Variants in STYK1 observed in about 807,000 individuals in gnomAD.
STYK1 encodes tyrosine-protein kinase STYK1.
A neutral mutation model predicts 48.1 loss-of-function variants in STYK1; 46 were observed. That is an observed-to-expected ratio of 0.96 (90% CI 0.75 to 1.22). STYK1 has a LOEUF of 1.22. Among genes scored for constraint, STYK1 ranks in the 50% most tolerant of loss-of-function variants. STYK1 has a pLI of 0.00. For missense variants in STYK1, 527 were observed against 521.1 expected (o/e 1.01, Z -0.11); for synonymous variants, 188 against 189.0 (o/e 0.99, Z 0.04).
chr12:10,650,587 G>A (rs567173719), intron 1 of STYK1, among the ~76,000 whole-genome samples: 4 of 152,266 alleles, frequency 2.6e-5, no homozygotes, highest in South Asian at 4.1e-4. Context: ...TTCCTTCAAC[G>A]CATTAGCATA....
chr12:10,643,262 G>A (rs934755007), intron 1 of STYK1, among the ~76,000 whole-genome samples: 2 of 152,120 alleles, frequency 1.3e-5, no homozygotes, highest in Admixed American at 6.6e-5. Context: ...CTGAGCTCTT[G>A]CTACTAATAT....
At chr12:10,631,346 C>T (rs781404872) in intron 4 of STYK1, 38 bp from the exon 5 acceptor site, 3 of 1,597,572 alleles carry the variant, frequency 1.9e-6, no homozygotes, top group Admixed American at 1.7e-5. Context: ...TTTTTCCCCG[C>T]CCTGGGGATC....
chr12:10,653,788 G>C (rs1184385690), intron 1 of STYK1, among the ~76,000 whole-genome samples: 3 of 152,170 alleles, frequency 2.0e-5, no homozygotes, highest in Non-Finnish European at 4.4e-5. Flanking sequence ...TTCTTGACTT[G>C]TCCTGGGAAC....
At chr12:10,628,511 AG>A (rs1947385419) in intron 6 of STYK1, among the ~76,000 whole-genome samples, 1 of 152,220 alleles carries the variant, frequency 6.6e-6, no homozygotes, top group Admixed American at 6.5e-5. Flanking sequence ...CTCTTTAAAA[AG>A]TTTAAAATGC....
intron 1 of STYK1, among the ~76,000 whole-genome samples, chr12:10,670,601 G>T (rs139628415): frequency 6.6e-6 from 1 of 151,672 alleles, no homozygotes; most frequent in East Asian, 1.9e-4. Context: ...GACGTCAAAG[G>T]ATATGAAAGG....
At chr12:10,637,771 C>A (rs754794546) in intron 1 of STYK1, among the ~76,000 whole-genome samples, 2 of 152,214 alleles carry the variant, frequency 1.3e-5, no homozygotes, top group African/African-American at 4.8e-5. Context: ...CTTGTAACAG[C>A]AATATTCCTC....
chr12:10,648,452 G>A (rs1024792510), intron 1 of STYK1, among the ~76,000 whole-genome samples: 6 of 151,708 alleles, frequency 4.0e-5, no homozygotes, highest in Non-Finnish European at 7.4e-5. Flanking sequence ...AGTCAAAAAC[G>A]TGAAAAACAA....
intron 2 of STYK1, among the ~76,000 whole-genome samples, chr12:10,635,733 G>C (rs1359862114): frequency 6.6e-6 from 1 of 152,042 alleles, no homozygotes; most frequent in East Asian, 1.9e-4. Context: ...TGTTTGTCTG[G>C]CAAGGGATTC....
chr12:10,654,638 G>A (rs1036998099), intron 1 of STYK1, among the ~76,000 whole-genome samples: 6 of 152,168 alleles, frequency 3.9e-5, no homozygotes, highest in Non-Finnish European at 7.3e-5. Context: ...GACAGAGAGG[G>A]TTAAGGCCCC....
Position 10,669,320 on chromosome 12 carries a change from C to T in STYK1, c.-195+4646G>A, listed in dbSNP as rs374178104. On this transcript the variant is annotated intron_variant, in intron 1 of 10. Coordinates refer to ENST00000075503, the MANE Select transcript of STYK1 (RefSeq NM_018423.3). Reference sequence around the variant, plus strand: ...AGTACATGGTACCCAGGTTTCTGTTCGATAGGGACACATTTTTTGTTCCAT... The same window carrying T: ...AGTACATGGTACCCAGGTTTCTGTTTGATAGGGACACATTTTTTGTTCCAT... Among the ~76,000 whole-genome samples the T allele has an allele frequency of 2.1e-4, 32 of 152,166 alleles. No individual in the cohort carries two copies. In the South Asian group the frequency reaches 5.8e-3, roughly 28 times the overall value.
chr12:10,626,163 A>G (rs930182759), intron 7 of STYK1, among the ~76,000 whole-genome samples: 1 of 152,210 alleles, frequency 6.6e-6, no homozygotes, highest in Admixed American at 6.5e-5. Flanking sequence ...TAGTGCCATG[A>G]TAAGAATTAA....
In STYK1 at chr12:10,619,869, A is replaced by G. The variant is rs1865876540; in HGVS notation, c.*275T>C. ...TGTGCCATGCCCCAACAAATACTGC[A>G]GAGTTCTAAAACCTCCTTTGCACAG... On this transcript the variant is annotated 3_prime_UTR_variant, in exon 11 of 11. Coordinates refer to ENST00000075503, the MANE Select transcript of STYK1 (RefSeq NM_018423.3). 2 of 498,612 alleles carry G rather than the reference A, an allele frequency of 4.0e-6. No individual in the cohort carries two copies. Among genetic ancestry groups the G allele is most frequent in the Non-Finnish European group, 7.1e-6 (2 of 283,568 alleles). 30.9% of individuals were successfully genotyped at this position (498,612 alleles called of 1,614,324 possible). A position where few individuals can be genotyped will look rare whatever the true frequency, so the allele number is the denominator to read the frequency against.
intron 1 of STYK1, among the ~76,000 whole-genome samples, chr12:10,648,457 A>G (rs1311099713): frequency 6.6e-6 from 1 of 152,108 alleles, no homozygotes; most frequent in Admixed American, 6.5e-5. Flanking sequence ...AAAACGTGAA[A>G]AACAAAAGTA....
chr12:10,673,014 C>T (rs1947905921), intron 1 of STYK1, among the ~76,000 whole-genome samples: 1 of 152,034 alleles, frequency 6.6e-6, no homozygotes, highest in Non-Finnish European at 1.5e-5. Flanking sequence ...CCACTACTTC[C>T]CACCGAGTGG....
In STYK1 at chr12:10,620,225, T is replaced by C. The variant is rs137979792; in HGVS notation, c.1188A>G (p.Pro396=). Residue 396 remains proline, a synonymous_variant, in exon 11 of 11, where the codon CCA becomes CCG. Coordinates refer to ENST00000075503, the MANE Select transcript of STYK1 (RefSeq NM_018423.3). The part of the protein sequence containing the change: ...TADDEAVLQV[P]ELVVPELYAA... ...CATACAGTTCAGGTACCACCAACTC[T>C]GGTACTTGTAACACAGCCTCGTCAT... 4.5e-5 allele frequency: 72 copies of C among 1,614,206 alleles called. No homozygotes were observed. The African/African-American group carries it at 7.5e-4, about 17-fold the overall frequency.
Position 10,634,678 on chromosome 12 carries a change from G to A in STYK1, c.-60C>T. Reference sequence around the variant, plus strand: ...CAGAGAATGCACACAGCACAGCTGTGAGTAATTCCTAAGGATTGAGTGGTT... The same window carrying A: ...CAGAGAATGCACACAGCACAGCTGTAAGTAATTCCTAAGGATTGAGTGGTT... On this transcript the variant is annotated 5_prime_UTR_variant, in exon 3 of 11. Coordinates refer to ENST00000075503, the MANE Select transcript of STYK1 (RefSeq NM_018423.3). 1 of 1,579,036 alleles carries A rather than the reference G, an allele frequency of 6.3e-7. No homozygotes were observed. Among genetic ancestry groups the A allele is most frequent in the Non-Finnish European group, 8.6e-7 (1 of 1,156,542 alleles).
At position 10,634,674 on chromosome 12, in the gene STYK1, C is replaced by T; in HGVS notation, c.-56G>A. The T allele has an allele frequency of 6.3e-7, 1 of 1,593,044 alleles. No homozygotes were observed. The highest frequency in any genetic ancestry group is 1.1e-5 in the South Asian group (1 of 88,634). On this transcript the variant is annotated 5_prime_UTR_variant, in exon 3 of 11. Coordinates refer to ENST00000075503, the MANE Select transcript of STYK1 (RefSeq NM_018423.3). Reference sequence around the variant, plus strand: ...CCCACAGAGAATGCACACAGCACAGCTGTGAGTAATTCCTAAGGATTGAGT... The same window carrying T: ...CCCACAGAGAATGCACACAGCACAGTTGTGAGTAATTCCTAAGGATTGAGT...
At position 10,634,027 on chromosome 12, in the gene STYK1, T is replaced by C. The variant is rs1166112867; in HGVS notation, c.150A>G (p.Arg50=). ...LLGVILWLFI[R]EQRTQQQRSG... ...AACGCTGCTGTTGAGTTCTTTGTTC[T>C]CTGATAAAAAGCCACAGGATGACCC... Residue 50 remains arginine, a synonymous_variant, in exon 4 of 11, where the codon AGA becomes AGG. Coordinates refer to ENST00000075503, the MANE Select transcript of STYK1 (RefSeq NM_018423.3). 3.7e-6 allele frequency: 6 copies of C among 1,614,008 alleles called. No homozygotes were observed. Among genetic ancestry groups the C allele is most frequent in the African/African-American group, 2.7e-5 (2 of 74,902 alleles).
At chr12:10,643,697 G>A (rs1947569074) in intron 1 of STYK1, among the ~76,000 whole-genome samples, 1 of 152,208 alleles carries the variant, frequency 6.6e-6, no homozygotes, top group Non-Finnish European at 1.5e-5. Flanking sequence ...ATGATAAGTA[G>A]GAGCTGACTA....
Sources: gnomAD v4.1 joint callset for allele counts (sites outside exome capture counted in the v4.1 genomes callset) on GRCh38, gnomAD v4.1.1 for gene constraint, MANE v1.5 for transcripts, NCBI Gene and HGNC (gene_info 2026-07-23, HGNC 2026-07-21) for gene names.